ASTN2: variants seen among roughly 807,000 people sequenced by gnomAD.
ASTN2 encodes astrotactin-2.
A neutral mutation model predicts 139.8 loss-of-function variants in ASTN2; 54 were observed. That is an observed-to-expected ratio of 0.39 (90% CI 0.31 to 0.48). ASTN2 has a LOEUF of 0.48. Ranked by LOEUF, ASTN2 falls within the 20% of genes least tolerant of loss-of-function variation. The pLI is 0.95. For synonymous variants in ASTN2, 756 were observed against 719.5 expected (o/e 1.05, Z -0.81); for missense variants, 1,565 against 1,725.1 (o/e 0.91, Z 1.64).
intron 4 of ASTN2, among the ~76,000 whole-genome samples, chr9:117,135,075 A>G (rs1279464993): frequency 2.6e-5 from 4 of 152,216 alleles, no homozygotes; most frequent in African/African-American, 9.6e-5. Flanking sequence ...ACACAGAAAC[A>G]CTGCCAATGC....
chr9:116,647,172 G>T (rs1331842368), intron 17 of ASTN2, among the ~76,000 whole-genome samples: 1 of 152,100 alleles, frequency 6.6e-6, no homozygotes, highest in African/African-American at 2.4e-5. Context: ...CAATCCACCA[G>T]CCTAGTACTC....
rs1391689859 is a variant in ASTN2, at chr9:116,733,447, A to C, written c.2473T>G (p.Cys825Gly). Residue 825 changes from cysteine to glycine, a missense_variant, in exon 14 of 23, where the codon TGC becomes GGC. Coordinates refer to ENST00000313400, the MANE Select transcript of ASTN2 (RefSeq NM_001365068.1). ...LVIPLPVEEQCRGVLSEPLPD... is the reference protein window; with the variant it reads ...LVIPLPVEEQGRGVLSEPLPD... ...AGGGGCTCGGAGAGGACCCCCCGGC[A>C]CTGCTCCTCCACCGGCAGCGGGATC... is the stretch of plus-strand genomic sequence containing the variant. The C allele has an allele frequency of 6.2e-7, 1 of 1,614,014 alleles. No homozygotes were observed. Among genetic ancestry groups the C allele is most frequent in the East Asian group, 2.2e-5 (1 of 44,878 alleles).
chr9:117,168,718 C>T (rs1465962557), intron 3 of ASTN2, among the ~76,000 whole-genome samples: 1 of 152,112 alleles, frequency 6.6e-6, no homozygotes, highest in East Asian at 1.9e-4. Context: ...CAGATTATAA[C>T]TCATAGTAAA....
intron 10 of ASTN2, among the ~76,000 whole-genome samples, chr9:116,970,432 T>C (rs1362628849): frequency 6.6e-6 from 1 of 152,246 alleles, no homozygotes; most frequent in Non-Finnish European, 1.5e-5. Flanking sequence ...TTTTGAGTCC[T>C]TTCTTTTAAC....
At chr9:117,192,357 A>G (rs1831371820) in intron 3 of ASTN2, among the ~76,000 whole-genome samples, 1 of 151,582 alleles carries the variant, frequency 6.6e-6, no homozygotes, top group South Asian at 2.1e-4. Flanking sequence ...CTGCCATTCT[A>G]CAAGTGACAT....
chr9:116,432,624 G>A (rs1312568778), intron 22 of ASTN2, among the ~76,000 whole-genome samples: 1 of 152,142 alleles, frequency 6.6e-6, no homozygotes, highest in Non-Finnish European at 1.5e-5. Flanking sequence ...GCTCTTTACT[G>A]TGCAAGAATA....
intron 5 of ASTN2, among the ~76,000 whole-genome samples, chr9:117,047,072 C>G (rs1486874408): frequency 6.6e-6 from 1 of 152,172 alleles, no homozygotes; most frequent in Non-Finnish European, 1.5e-5. Context: ...ACTGAGTGCC[C>G]CATGGGATTC....
At chr9:117,039,680 G>T (rs1838494353) in intron 6 of ASTN2, 139 bp downstream of exon 6, 1 of 812,334 alleles carries the variant, frequency 1.2e-6, no homozygotes, top group South Asian at 4.1e-5. Flanking sequence ...CTCTTCCAAG[G>T]TCTTTAGATG....
intron 2 of ASTN2, among the ~76,000 whole-genome samples, chr9:117,256,006 A>G (rs778639897): frequency 3.9e-5 from 6 of 152,238 alleles, no homozygotes; most frequent in Non-Finnish European, 5.9e-5. Flanking sequence ...CTGAATGAAA[A>G]TGATGTCCAC....
At chr9:116,795,050 T>G (rs1830655749) in intron 13 of ASTN2, among the ~76,000 whole-genome samples, 1 of 152,190 alleles carries the variant, frequency 6.6e-6, no homozygotes, top group Admixed American at 6.5e-5. Flanking sequence ...AATCTCGGCT[T>G]ACTGCAATCT....
intron 20 of ASTN2, among the ~76,000 whole-genome samples, chr9:116,463,930 G>C (rs1303812117): frequency 1.1e-5 from 1 of 88,912 alleles, no homozygotes; most frequent in African/African-American, 3.2e-5. Context: ...TTTTTTTTGA[G>C]AGAGACAGGG....
chr9:117,241,051 T>G (rs539209088), intron 2 of ASTN2, among the ~76,000 whole-genome samples: 1 of 152,284 alleles, frequency 6.6e-6, no homozygotes, highest in East Asian at 1.9e-4. Flanking sequence ...AAAAGGACAA[T>G]TCTCTCTATG....
chr9:117,349,441 C>T (rs549873759), intron 1 of ASTN2, among the ~76,000 whole-genome samples: 1 of 152,230 alleles, frequency 6.6e-6, no homozygotes, highest in Admixed American at 6.5e-5. Context: ...TTAGACATGG[C>T]CCCCTGCCTT....
intron 3 of ASTN2, among the ~76,000 whole-genome samples, chr9:117,159,735 C>T (rs1185705695): frequency 1.3e-5 from 2 of 151,978 alleles, no homozygotes; most frequent in Non-Finnish European, 2.9e-5. Flanking sequence ...AAGTCTAAGA[C>T]GTTAAGGAAG....
At chr9:116,694,588 G>A (rs557209519) in intron 16 of ASTN2, among the ~76,000 whole-genome samples, 340 of 149,310 alleles carry the variant, frequency 2.3e-3, no homozygotes, top group African/African-American at 7.9e-3. Context: ...AGCCTCCCGA[G>A]TAGCTGGGAC....
intron 1 of ASTN2, among the ~76,000 whole-genome samples, chr9:117,342,176 G>T (rs1829081195): frequency 6.6e-6 from 1 of 152,104 alleles, no homozygotes; most frequent in South Asian, 2.1e-4. Flanking sequence ...CCGAACAAAG[G>T]CATCCTGGGT....
At chr9:117,139,505 C>T (rs554128359) in intron 4 of ASTN2, among the ~76,000 whole-genome samples, 7 of 152,300 alleles carry the variant, frequency 4.6e-5, no homozygotes, top group East Asian at 1.9e-4. Flanking sequence ...GTTCCAAAAA[C>T]GAATTCCATC....
chr9:116,875,117 ATTAAG>A (rs1433552812), intron 10 of ASTN2, among the ~76,000 whole-genome samples: 3 of 152,180 alleles, frequency 2.0e-5, no homozygotes, highest in Non-Finnish European at 4.4e-5. Context: ...GCTAGAAATG[ATTAAG>A]TTTAGTGAGG....
At chr9:116,652,143 G>A (rs1026063581) in intron 16 of ASTN2, among the ~76,000 whole-genome samples, 1 of 151,870 alleles carries the variant, frequency 6.6e-6, no homozygotes, top group Non-Finnish European at 1.5e-5. Flanking sequence ...GGCCAACATT[G>A]CAAAAACCCA....
Sources: allele counts gnomAD v4.1 joint callset (sites outside exome capture counted in the v4.1 genomes callset), GRCh38; gene constraint gnomAD v4.1.1; transcripts MANE v1.5; gene names NCBI Gene and HGNC (gene_info 2026-07-23, HGNC 2026-07-21).